CCDC85A: variants seen among roughly 807,000 people sequenced by gnomAD.
CCDC85A encodes coiled-coil domain-containing protein 85A.
A neutral mutation model predicts 50.2 loss-of-function variants in CCDC85A; 38 were observed. The ratio of observed to expected loss-of-function variants is 0.76; its 90% confidence interval spans 0.58 to 0.99. The LOEUF (loss-of-function observed/expected upper bound fraction) is 0.99, where lower values mean the gene tolerates loss of function less well. Ranked by LOEUF, CCDC85A falls within the 50% of genes least tolerant of loss-of-function variation. CCDC85A has a pLI of 0.00. For synonymous variants in CCDC85A, 366 were observed against 301.4 expected (o/e 1.21, Z -2.22); for missense variants, 820 against 742.0 (o/e 1.11, Z -1.22).
chr2:56,359,293 T>G (rs1043242377), intron 3 of CCDC85A, among the ~76,000 whole-genome samples: 3 of 152,196 alleles, frequency 2.0e-5, no homozygotes, highest in Admixed American at 2.0e-4. Flanking sequence ...CTCTTAGCTT[T>G]AGGCTGAGAA....
chr2:56,294,525 C>T (rs1671862607), intron 2 of CCDC85A, among the ~76,000 whole-genome samples: 1 of 152,212 alleles, frequency 6.6e-6, no homozygotes, highest in South Asian at 2.1e-4. Flanking sequence ...GTTATGCACT[C>T]ACTGACCTTG....
At chr2:56,311,325 C>T (rs7582740) in intron 2 of CCDC85A, among the ~76,000 whole-genome samples, 7,417 of 152,182 alleles carry the variant, frequency 0.049, 614 homozygotes, top group African/African-American at 0.17. Context: ...CTCAATGCCT[C>T]AACCTGTTTA....
At chr2:56,279,275 C>T (rs1671098843) in intron 2 of CCDC85A, among the ~76,000 whole-genome samples, 1 of 152,144 alleles carries the variant, frequency 6.6e-6, no homozygotes, top group Admixed American at 6.6e-5. Context: ...AGTTATAATT[C>T]ACATATGCAG....
At chr2:56,288,885 A>C (rs1671573288) in intron 2 of CCDC85A, among the ~76,000 whole-genome samples, 1 of 152,206 alleles carries the variant, frequency 6.6e-6, no homozygotes, top group Non-Finnish European at 1.5e-5. Flanking sequence ...GGGAGAAATC[A>C]CATCTGCTCT....
intron 2 of CCDC85A, among the ~76,000 whole-genome samples, chr2:56,231,266 C>T (rs535088225): frequency 1.1e-4 from 16 of 152,214 alleles, no homozygotes; most frequent in South Asian, 2.1e-4. Flanking sequence ...TAGCCTGAGA[C>T]GGAAAGAAAA....
intron 5 of CCDC85A, among the ~76,000 whole-genome samples, chr2:56,383,368 G>A (rs1676680049): frequency 6.6e-6 from 1 of 151,952 alleles, no homozygotes; most frequent in African/African-American, 2.4e-5. Context: ...GAAATAGTCT[G>A]GGAGGGTATG....
At chr2:56,367,604 G>A (rs928054271) in intron 3 of CCDC85A, among the ~76,000 whole-genome samples, 2 of 152,032 alleles carry the variant, frequency 1.3e-5, no homozygotes, top group Non-Finnish European at 2.9e-5. Flanking sequence ...AACATCCTTG[G>A]CCTCTACCCA....
chr2:56,290,768 T>A (rs1166481643), intron 2 of CCDC85A, among the ~76,000 whole-genome samples: 1 of 152,230 alleles, frequency 6.6e-6, no homozygotes, highest in East Asian at 1.9e-4. Flanking sequence ...TATACAGTTA[T>A]CTAGAAAATT....
intron 2 of CCDC85A, among the ~76,000 whole-genome samples, chr2:56,231,418 G>A (rs953224891): frequency 2.6e-5 from 4 of 152,130 alleles, no homozygotes; most frequent in East Asian, 1.9e-4. Flanking sequence ...TCAACTCACC[G>A]TAATTAAGTC....
At chr2:56,199,032 G>A (rs567427250) in intron 2 of CCDC85A, among the ~76,000 whole-genome samples, 1 of 152,144 alleles carries the variant, frequency 6.6e-6, no homozygotes, top group African/African-American at 2.4e-5. Context: ...TATATCTTCT[G>A]GCTTGTTGCA....
chr2:56,340,863 T>G (rs1573297541), intron 2 of CCDC85A, among the ~76,000 whole-genome samples: 2 of 99,380 alleles, frequency 2.0e-5, no homozygotes, highest in South Asian at 3.4e-4. Flanking sequence ...GCAACAACAG[T>G]GAAACTCCAT....
chr2:56,297,080 G>A (rs747942229), intron 2 of CCDC85A, among the ~76,000 whole-genome samples: 2 of 152,112 alleles, frequency 1.3e-5, no homozygotes, highest in Admixed American at 6.6e-5. Context: ...TGCAAGCACT[G>A]CTTTTTTCTG....
At chr2:56,220,197 C>T (rs1236700841) in intron 2 of CCDC85A, among the ~76,000 whole-genome samples, 1 of 151,882 alleles carries the variant, frequency 6.6e-6, no homozygotes, top group African/African-American at 2.4e-5. Flanking sequence ...TTTGTCAGTA[C>T]AGGCACAAAT....
At chr2:56,289,711 T>G (rs1671616352) in intron 2 of CCDC85A, among the ~76,000 whole-genome samples, 1 of 152,176 alleles carries the variant, frequency 6.6e-6, no homozygotes, top group African/African-American at 2.4e-5. Flanking sequence ...TTCCATCTAC[T>G]TTTTACAGAG....
At chr2:56,298,280 C>A (rs1484563780) in intron 2 of CCDC85A, among the ~76,000 whole-genome samples, 1 of 152,082 alleles carries the variant, frequency 6.6e-6, no homozygotes, top group Non-Finnish European at 1.5e-5. Context: ...AAGGTAATTA[C>A]AGAAGTGAGG....
chr2:56,187,680 A>C (rs911724339), intron 1 of CCDC85A, among the ~76,000 whole-genome samples: 2 of 152,222 alleles, frequency 1.3e-5, no homozygotes, highest in Non-Finnish European at 2.9e-5. Flanking sequence ...ACACAGACAT[A>C]AAGTGTTCAA....
In CCDC85A at chr2:56,364,735, C is replaced by T. The variant is rs1675704340; in HGVS notation, c.1318-7609C>T. On this transcript the variant is annotated intron_variant, in intron 3 of 5. Coordinates refer to ENST00000407595, the MANE Select transcript of CCDC85A (RefSeq NM_001080433.2). The stretch of plus-strand genomic sequence containing the variant: ...TAGTCATCCTGGATAACTCCTTCAA[C>T]CTCACTGCCTACATTCAAATAGACA... 1.3e-5 allele frequency among the ~76,000 whole-genome samples: 2 copies of T among 152,226 alleles called. 1 individual carries two copies. The highest frequency in any genetic ancestry group is 1.3e-4 in the Admixed American group (2 of 15,270).
chr2:56,378,588 G>A (rs1394618266), intron 5 of CCDC85A, among the ~76,000 whole-genome samples: 1 of 152,264 alleles, frequency 6.6e-6, no homozygotes, highest in South Asian at 2.1e-4. Context: ...AATCTGAGGT[G>A]AGTATCAGGG....
intron 2 of CCDC85A, among the ~76,000 whole-genome samples, chr2:56,307,290 G>A (rs1301176920): frequency 4.6e-5 from 7 of 152,066 alleles, no homozygotes; most frequent in Admixed American, 4.6e-4. Flanking sequence ...TTGTCATGAT[G>A]AAATATATTA....
Sources: allele counts gnomAD v4.1 joint callset (sites outside exome capture counted in the v4.1 genomes callset), GRCh38; gene constraint gnomAD v4.1.1; transcripts MANE v1.5; gene names NCBI Gene and HGNC (gene_info 2026-07-23, HGNC 2026-07-21).